The following NKD1 variants were observed in gnomAD, a reference collection of about 807,000 sequenced individuals.
The protein encoded by NKD1 is protein naked cuticle homolog 1.
In NKD1, 21 loss-of-function variants were observed where a neutral mutation model predicts 56.0. That is an observed-to-expected ratio of 0.38 (90% CI 0.27 to 0.54). The LOEUF is 0.54. Ranked by LOEUF, NKD1 falls within the 20% of genes least tolerant of loss-of-function variation. The probability of loss-of-function intolerance (pLI) is 0.82; values close to 1 mark genes in which losing one functional copy is unlikely to be tolerated. For synonymous variants in NKD1, 263 were observed against 265.7 expected (o/e 0.99, Z 0.10); for missense variants, 578 against 642.7 (o/e 0.90, Z 1.09).
intron 5 of NKD1, among the ~76,000 whole-genome samples, chr16:50,624,703 G>A (rs1482695360): frequency 1.3e-5 from 2 of 152,188 alleles, no homozygotes; most frequent in African/African-American, 4.8e-5. Context: ...AGCCTCCTAG[G>A]AGCCATGTAG....
chr16:50,624,768 C>T (rs1962172141), intron 5 of NKD1, among the ~76,000 whole-genome samples: 1 of 152,216 alleles, frequency 6.6e-6, no homozygotes, highest in South Asian at 2.1e-4. Context: ...TTTCCACTGC[C>T]TCCTGTCCCT....
In NKD1 at chr16:50,608,344, C is replaced by T. The variant is rs115028583; in HGVS notation, c.243C>T (p.Asp81=). 357 of 1,612,500 alleles carry T rather than the reference C, an allele frequency of 2.2e-4. 1 individual carries two copies. The East Asian group carries it at 6.9e-3, about 31-fold the overall frequency. The change falls in exon 4 of 10, where the codon GAC becomes GAT. Residue 81 remains aspartate, a synonymous_variant. Coordinates refer to ENST00000268459, the MANE Select transcript of NKD1 (RefSeq NM_033119.5). ...LRDTLSEEEE[D]DFRLEVALPP... ...ACACGCTCAGCGAGGAAGAGGAGGA[C>T]GACTTTCGGCTGGAAGGTATTCGGA...
chr16:50,617,913 T>G (rs1339172060), intron 4 of NKD1, among the ~76,000 whole-genome samples: 1 of 152,216 alleles, frequency 6.6e-6, no homozygotes, highest in African/African-American at 2.4e-5. Context: ...GACTTTTTCA[T>G]GAAGGGCCGG....
intron 3 of NKD1, among the ~76,000 whole-genome samples, chr16:50,565,249 G>C (rs1960732457): frequency 1.3e-5 from 2 of 152,102 alleles, no homozygotes; most frequent in Admixed American, 1.3e-4. Flanking sequence ...GTGTGGGCCT[G>C]TAGTCCCAGC....
intron 3 of NKD1, among the ~76,000 whole-genome samples, chr16:50,559,681 T>G (rs1475513935): frequency 6.6e-6 from 1 of 152,002 alleles, no homozygotes; most frequent in Non-Finnish European, 1.5e-5. Flanking sequence ...GTTACTGGTG[T>G]CTGTGGACTC....
intron 3 of NKD1, among the ~76,000 whole-genome samples, chr16:50,577,417 G>T (rs889361236): frequency 6.6e-6 from 1 of 152,092 alleles, no homozygotes; most frequent in Admixed American, 6.5e-5. Context: ...ATACACTTAT[G>T]AAACCATCAC....
chr16:50,572,832 G>C, intron 3 of NKD1: 1 of 973,030 alleles, frequency 1.0e-6, no homozygotes, highest in Non-Finnish European at 1.2e-6. Context: ...GAGATGTGGA[G>C]GTTAGAAAGA....
chr16:50,574,688 C>T (rs756211651), intron 3 of NKD1: 20 of 985,306 alleles, frequency 2.0e-5, no homozygotes, highest in Non-Finnish European at 2.3e-5. Flanking sequence ...GCCTCGTTGT[C>T]GTCCCAGGCA....
intron 3 of NKD1, among the ~76,000 whole-genome samples, chr16:50,560,739 AAGAGT>A (rs1309976049): frequency 6.6e-6 from 1 of 151,990 alleles, no homozygotes; most frequent in African/African-American, 2.4e-5. Flanking sequence ...TATATATAGT[AAGAGT>A]AAATATTGTT....
At chr16:50,575,303 G>GTTTTAA (rs1960969810) in intron 3 of NKD1, 1 of 985,276 alleles carries the variant, frequency 1.0e-6, no homozygotes, top group Non-Finnish European at 1.2e-6. Flanking sequence ...AGGCTGGCTG[G>GTTTTAA]TTTTATAGGC....
chr16:50,587,275 C>T (rs1420342472), intron 3 of NKD1, among the ~76,000 whole-genome samples: 1 of 152,198 alleles, frequency 6.6e-6, no homozygotes, highest in Non-Finnish European at 1.5e-5. Context: ...TTTCTGACCA[C>T]TTCCTAGACT....
At chr16:50,560,289 C>A (rs1036007631) in intron 3 of NKD1, among the ~76,000 whole-genome samples, 4 of 152,226 alleles carry the variant, frequency 2.6e-5, no homozygotes, top group African/African-American at 9.6e-5. Context: ...GCTGCAGGCT[C>A]AGTGTGCCCG....
chr16:50,620,558 C>G (rs1962063266), intron 4 of NKD1, among the ~76,000 whole-genome samples: 1 of 152,138 alleles, frequency 6.6e-6, no homozygotes, highest in Non-Finnish European at 1.5e-5. Context: ...ACCTTTAAAA[C>G]AGGACAACAA....
chr16:50,575,962 C>T (rs999919940), intron 3 of NKD1, among the ~76,000 whole-genome samples: 3 of 152,066 alleles, frequency 2.0e-5, no homozygotes, highest in Non-Finnish European at 4.4e-5. Flanking sequence ...AGGATGTGCC[C>T]CTGCAACAAA....
intron 4 of NKD1, among the ~76,000 whole-genome samples, chr16:50,611,011 C>T (rs1234106657): frequency 6.6e-6 from 1 of 152,160 alleles, no homozygotes; most frequent in Admixed American, 6.5e-5. Context: ...GAGGGGTGAC[C>T]CCATGCTCAC....
chr16:50,620,350 G>A (rs953445211), intron 4 of NKD1, among the ~76,000 whole-genome samples: 7 of 152,158 alleles, frequency 4.6e-5, no homozygotes, highest in Admixed American at 6.5e-5. Context: ...GTGTGGGATC[G>A]GAGAGACACA....
In NKD1 at chr16:50,630,837, G is replaced by A. The variant is rs373392827; in HGVS notation, c.622G>A (p.Ala208Thr). 8.7e-6 allele frequency: 14 copies of A among 1,601,880 alleles called. No homozygotes were observed. Among genetic ancestry groups the A allele is most frequent in the Middle Eastern group, 1.7e-4 (1 of 6,044 alleles). ...CGGGCCGGACTCAGACCTGCAGAGC[G>A]CAAGGCCCCGAGCAGAGACCAAGCC... ...VLVNQADLQS[A>T]RPRAETKPTE... is the part of the protein sequence containing the mutation. The change falls in exon 8 of 10, where the codon GCA becomes ACA. Residue 208 changes from alanine to threonine, a missense_variant. Coordinates refer to ENST00000268459, the MANE Select transcript of NKD1 (RefSeq NM_033119.5).
At chr16:50,625,162 T>C in intron 5 of NKD1, 2 of 385,472 alleles carry the variant, frequency 5.2e-6, no homozygotes, top group South Asian at 5.6e-5. Flanking sequence ...TAGTTGCTTC[T>C]TGCCCTTGGT....
chr16:50,586,929 G>A (rs1452622060), intron 3 of NKD1, among the ~76,000 whole-genome samples: 1 of 152,216 alleles, frequency 6.6e-6, no homozygotes, highest in African/African-American at 2.4e-5. Flanking sequence ...TGGTGAGGGA[G>A]TCATTCTCTC....
Sources: gnomAD v4.1 joint callset for allele counts (sites outside exome capture counted in the v4.1 genomes callset) on GRCh38, gnomAD v4.1.1 for gene constraint, MANE v1.5 for transcripts, NCBI Gene and HGNC (gene_info 2026-07-23, HGNC 2026-07-21) for gene names.